Variants in FAM186A observed in about 807,000 individuals in gnomAD.
FAM186A encodes protein FAM186A.
Under a neutral mutation model 216.8 loss-of-function variants are expected in FAM186A, and 163 were observed. The observed-to-expected ratio is 0.75, with a 90% CI of 0.66 to 0.86. The LOEUF is 0.86. Among genes scored for constraint, FAM186A ranks in the 40% least tolerant of loss-of-function variants. The pLI, the probability that FAM186A is intolerant of heterozygous loss-of-function variation, is 0.00. For synonymous variants in FAM186A, 805 were observed against 1,025.3 expected (o/e 0.79, Z 4.10); for missense variants, 2,184 against 2,746.2 (o/e 0.80, Z 4.58).
intron 4 of FAM186A, among the ~76,000 whole-genome samples, chr12:50,346,916 G>GCA (rs140403986): frequency 0.022 from 3,093 of 143,686 alleles, 86 homozygotes; most frequent in African/African-American, 0.071. Flanking sequence ...GGTCACACAT[G>GCA]CACACACACA....
intron 7 of FAM186A, among the ~76,000 whole-genome samples, chr12:50,328,056 C>T (rs1371365393): frequency 6.6e-5 from 10 of 152,098 alleles, no homozygotes; most frequent in Middle Eastern, 3.4e-3. Context: ...ACATGCATTA[C>T]TTAGGCAATT....
At chr12:50,335,031 G>A (rs940577948) in intron 4 of FAM186A, among the ~76,000 whole-genome samples, 1 of 152,096 alleles carries the variant, frequency 6.6e-6, no homozygotes, top group African/African-American at 2.4e-5. Flanking sequence ...GGAGGCTGAG[G>A]TGGGAGGATC....
At chr12:50,356,364 A>G (rs1306758018) in intron 3 of FAM186A, 116 bp from the exon 4 acceptor site, 1 of 760,974 alleles carries the variant, frequency 1.3e-6, no homozygotes, top group Non-Finnish European at 2.0e-6. Context: ...TAAATATAAG[A>G]TAAAGATTAA....
At chr12:50,368,196 G>A (rs1943109096) in intron 1 of FAM186A, among the ~76,000 whole-genome samples, 1 of 151,526 alleles carries the variant, frequency 6.6e-6, no homozygotes. Context: ...GAGGTCAGGA[G>A]TTCGTGACAA....
intron 4 of FAM186A, among the ~76,000 whole-genome samples, chr12:50,339,741 T>TACAC (rs10611207): frequency 0.011 from 1,617 of 148,494 alleles, 32 homozygotes; most frequent in East Asian, 0.066. Flanking sequence ...CAAAGTACTT[T>TACAC]ACACACACAC....
intron 4 of FAM186A, among the ~76,000 whole-genome samples, chr12:50,346,245 G>A (rs1942814972): frequency 6.7e-6 from 1 of 149,048 alleles, no homozygotes; most frequent in African/African-American, 2.5e-5. Flanking sequence ...AAAAAAGAAA[G>A]AAAGAAAGAA....
intron 7 of FAM186A, among the ~76,000 whole-genome samples, chr12:50,328,323 A>G (rs1232538856): frequency 6.6e-6 from 1 of 152,174 alleles, no homozygotes; most frequent in Non-Finnish European, 1.5e-5. Flanking sequence ...ACAGTGAGCT[A>G]TGATTGTGCC....
At chr12:50,335,423 A>G (rs1565879023) in intron 4 of FAM186A, among the ~76,000 whole-genome samples, 1 of 152,094 alleles carries the variant, frequency 6.6e-6, no homozygotes, top group Non-Finnish European at 1.5e-5. Context: ...AGGCTGGTGG[A>G]TCACAAGGTC....
intron 3 of FAM186A, 123 bp downstream of exon 3, chr12:50,360,633 T>G: frequency 1.1e-5 from 8 of 752,504 alleles, no homozygotes; most frequent in Non-Finnish European, 1.6e-5. Flanking sequence ...TGCATTGAAC[T>G]GAGATCAGGC....
chr12:50,367,588 G>A (rs1293344704), intron 1 of FAM186A, among the ~76,000 whole-genome samples: 5 of 151,250 alleles, frequency 3.3e-5, no homozygotes, highest in African/African-American at 1.2e-4. Context: ...AATTATCTCT[G>A]TTCATAGATA....
intron 1 of FAM186A, among the ~76,000 whole-genome samples, chr12:50,386,982 A>AT (rs1943310637): frequency 6.6e-6 from 1 of 151,894 alleles, no homozygotes; most frequent in African/African-American, 2.4e-5. Context: ...CAAAACAGTT[A>AT]TCAACTTATT....
intron 1 of FAM186A, chr12:50,365,729 C>T: frequency 2.7e-6 from 2 of 753,004 alleles, no homozygotes; most frequent in Non-Finnish European, 4.9e-6. Context: ...CCCACATTCG[C>T]AGGAAGATTA....
intron 1 of FAM186A, among the ~76,000 whole-genome samples, chr12:50,371,682 C>T (rs1387708839): frequency 6.6e-6 from 1 of 152,206 alleles, no homozygotes; most frequent in East Asian, 1.9e-4. Flanking sequence ...TATAGAACTT[C>T]AGTTTTGAAA....
intron 1 of FAM186A, among the ~76,000 whole-genome samples, chr12:50,374,240 A>G (rs1407199823): frequency 6.6e-6 from 1 of 151,848 alleles, no homozygotes; most frequent in East Asian, 1.9e-4. Context: ...AGCATGGCAC[A>G]TGTATACATA....
intron 4 of FAM186A, 67 bp from the exon 5 acceptor site, chr12:50,334,170 A>C (rs1035965596): frequency 8.3e-6 from 11 of 1,317,388 alleles, no homozygotes; most frequent in African/African-American, 6.1e-5. Flanking sequence ...ACTTGTCCTC[A>C]GTTTCTTTTT....
rs563235059 is a variant in FAM186A at position 50,386,345 on chromosome 12, C to T, written c.192+9948G>A. Among the ~76,000 whole-genome samples, 3 of 152,150 alleles carry T rather than the reference C, an allele frequency of 2.0e-5. No individual in the cohort carries two copies. The East Asian group carries it at 5.8e-4, about 30-fold the overall frequency. ...AGGGAGGCAGGAGAATCGCTTGAAC[C>T]TGGGAGGTGGAGGTTGCAGTGAGCC... is the stretch of plus-strand genomic sequence containing the variant. On this transcript the variant is annotated intron_variant, in intron 1 of 7. Transcript: ENST00000327337.
intron 3 of FAM186A, 81 bp from the exon 4 acceptor site, chr12:50,356,329 T>G (rs1172654798): frequency 2.7e-6 from 3 of 1,128,388 alleles, no homozygotes; most frequent in Non-Finnish European, 3.6e-6. Flanking sequence ...TCTAAGGAAT[T>G]TAGCCTAGAT....
At chr12:50,346,368 AT>A (rs1942817757) in intron 4 of FAM186A, among the ~76,000 whole-genome samples, 2 of 151,956 alleles carry the variant, frequency 1.3e-5, no homozygotes, top group Non-Finnish European at 2.9e-5. Flanking sequence ...AGTATCTGGG[AT>A]TACAGGCACA....
intron 3 of FAM186A, among the ~76,000 whole-genome samples, chr12:50,357,938 A>G (rs1307146206): frequency 6.6e-6 from 1 of 151,834 alleles, no homozygotes; most frequent in Non-Finnish European, 1.5e-5. Flanking sequence ...AGATCACGCC[A>G]CTGCACTCCA....
Sources: gnomAD v4.1 joint callset for allele counts (sites outside exome capture counted in the v4.1 genomes callset) on GRCh38, gnomAD v4.1.1 for gene constraint, MANE v1.5 for transcripts, NCBI Gene and HGNC (gene_info 2026-07-23, HGNC 2026-07-21) for gene names.